The following IL12B variants were observed in gnomAD, a reference collection of about 807,000 sequenced individuals.
The protein encoded by IL12B is interleukin-12 subunit beta.
In IL12B, 27 loss-of-function variants were observed where a neutral mutation model predicts 39.2. That is an observed-to-expected ratio of 0.69 (90% CI 0.51 to 0.95). IL12B has a LOEUF of 0.95. Ranked by LOEUF, IL12B falls within the 40% of genes least tolerant of loss-of-function variation. The pLI is 0.00. For missense variants in IL12B, 351 were observed against 397.6 expected (o/e 0.88, Z 1.00); for synonymous variants, 142 against 152.1 (o/e 0.93, Z 0.49).
At chr5:159,322,578 A>C (rs1754111305) in intron 3 of IL12B, 67 bp from the exon 4 acceptor site, 4 of 998,410 alleles carry the variant, frequency 4.0e-6, no homozygotes, top group Non-Finnish European at 4.8e-6. Flanking sequence ...GATTGTGATG[A>C]ATCACAGATC....
At position 159,320,322 on chromosome 5, in the gene IL12B, G is replaced by A. The variant is rs2113025886; in HGVS notation, c.681C>T (p.Phe227=). ...AAAACTCACTGATGTCCCTGATGAAGAAGCTGCTGGTGTAGTTTTCATACT... is the reference window on the plus strand; with the variant it reads ...AAAACTCACTGATGTCCCTGATGAAAAAGCTGCTGGTGTAGTTTTCATACT... ...KLKYENYTSS[F]FIRDIIKPDP... Residue 227 remains phenylalanine, a synonymous_variant, in exon 5 of 8, where the codon TTC becomes TTT. Transcript: ENST00000231228. The A allele has an allele frequency of 6.2e-7, 1 of 1,614,054 alleles. No individual in the cohort carries two copies. The highest frequency in any genetic ancestry group is 1.7e-5 in the Admixed American group (1 of 60,032).
rs1231514438 is a variant in IL12B, at chr5:159,322,462, T to A, written c.414A>T (p.Gly138=). The part of the protein sequence containing the change: ...FLRCEAKNYS[G]RFTCWWLTTI... ...TCGTCAGCCACCAGCAGGTGAAACG[T>A]CCAGAATAATTCTTGGCCTCGCATC... The change falls in exon 4 of 8, where the codon GGA becomes GGT. Residue 138 remains glycine, a synonymous_variant. Transcript: ENST00000231228. 2 of 1,613,940 alleles carry A rather than the reference T, an allele frequency of 1.2e-6. No individual in the cohort carries two copies. Among genetic ancestry groups the A allele is most frequent in the African/African-American group, 2.7e-5 (2 of 74,922 alleles).
intron 1 of IL12B, among the ~76,000 whole-genome samples, chr5:159,329,778 T>C (rs1252828440): frequency 6.6e-6 from 1 of 152,154 alleles, no homozygotes; most frequent in African/African-American, 2.4e-5. Context: ...GACATTGTTG[T>C]TGCACACAAT....
At chr5:159,320,647 T>A in intron 4 of IL12B, 127 bp from the exon 5 acceptor site, 1 of 796,318 alleles carries the variant, frequency 1.3e-6, no homozygotes, top group South Asian at 1.5e-5. Flanking sequence ...CTGGGCTGAT[T>A]TCTACCCAGA....
intron 3 of IL12B, among the ~76,000 whole-genome samples, chr5:159,322,814 T>C (rs957699478): frequency 3.3e-5 from 5 of 152,134 alleles, no homozygotes; most frequent in Non-Finnish European, 7.3e-5. Flanking sequence ...AAAGAAAACA[T>C]GAGGCTAAGC....
Position 159,318,860 on chromosome 5 carries a change from T to A in IL12B, c.731A>T (p.Lys244Met). 1 of 1,614,096 alleles carries A rather than the reference T, an allele frequency of 6.2e-7. No individual in the cohort carries two copies. Among genetic ancestry groups the A allele is most frequent in the Middle Eastern group, 1.7e-4 (1 of 6,026 alleles). ...KPDPPKNLQL[K>M]PLKNSRQVEV... ...CACCTGCCGAGAATTCTTTAATGGC[T>A]TCAGCTGCAAGTTCTTGGGTGGGTC... The change falls in exon 6 of 8, where the codon AAG becomes ATG. Residue 244 changes from lysine (K) to methionine (M), a missense_variant. Physicochemically the swap from Lys to Met is moderately conservative, Grantham distance 95 (BLOSUM62 -1). Coordinates refer to ENST00000231228, the MANE Select transcript of IL12B (RefSeq NM_002187.3).
In IL12B at chr5:159,315,385, G is replaced by T. The variant is rs41454346; in HGVS notation, c.*716C>A. ...TTTTAAATTTTTTTTGTAGAGACGG[G>T]GTCTTGTTATGTTTCCCAGGCTGGT... On this transcript the variant is annotated 3_prime_UTR_variant, in exon 8 of 8. Transcript: ENST00000231228. 3 of 152,040 alleles carry T rather than the reference G, an allele frequency of 2.0e-5. No individual in the cohort carries two copies. The East Asian group carries it at 5.7e-4, about 29-fold the overall frequency. 9.4% of individuals were successfully genotyped at this position (152,040 alleles called of 1,614,324 possible).
Position 159,320,412 on chromosome 5 carries a change from A to G in IL12B, c.591T>C (p.Ser197=). Residue 197 remains serine, a synonymous_variant, in exon 5 of 8, where the codon AGT becomes AGC. Transcript: ENST00000231228. The part of the protein sequence containing the change: ...YEYSVECQED[S]ACPAAEESLP... ...GACTCTCCTCAGCAGCTGGGCAGGCACTGTCCTCCTGGCACTCCACTGAGT... is the reference window on the plus strand; with the variant it reads ...GACTCTCCTCAGCAGCTGGGCAGGCGCTGTCCTCCTGGCACTCCACTGAGT... 1 of 1,613,970 alleles carries G rather than the reference A, an allele frequency of 6.2e-7. No individual in the cohort carries two copies. Among genetic ancestry groups the G allele is most frequent in the Non-Finnish European group, 8.5e-7 (1 of 1,179,924 alleles).
intron 5 of IL12B, 82 bp downstream of exon 5, chr5:159,320,224 A>T (rs1754062633): frequency 2.6e-6 from 3 of 1,167,862 alleles, no homozygotes; most frequent in Non-Finnish European, 3.8e-6. Context: ...TCAACCACCT[A>T]CCCCACAGTG....
At chr5:159,322,303 C>CT in intron 4 of IL12B, 91 bp downstream of exon 4, 1 of 858,716 alleles carries the variant, frequency 1.2e-6, no homozygotes, top group Non-Finnish European at 2.0e-6. Context: ...TTCCCATTAT[C>CT]ATTAACTGAT....
intron 6 of IL12B, among the ~76,000 whole-genome samples, chr5:159,317,324 G>T (rs776821663): frequency 1.2e-4 from 19 of 152,164 alleles, no homozygotes; most frequent in Non-Finnish European, 2.4e-4. Context: ...TAGAATTATA[G>T]TTCAAGGTAA....
At position 159,316,685 on chromosome 5, in the gene IL12B, C is replaced by G; in HGVS notation, c.987G>C (p.Ter329TyrextTer25). The change falls in exon 7 of 8, where the codon TAG becomes TAC. Residue 329 changes from the stop codon to tyrosine (Y), a stop_lost and splice_region_variant. Transcript: ENST00000231228. ...WSEWASVPCS[*>Y] is the part of the protein sequence containing the mutation. ...GGCTGGCCTTTGAGGGCCTGCTCAC[C>G]TAACTGCAGGGCACAGATGCCCATT... 6.2e-7 allele frequency: 1 copy of G among 1,612,164 alleles called. No homozygotes were observed.
At chr5:159,329,456 C>T (rs1413791230) in intron 1 of IL12B, among the ~76,000 whole-genome samples, 1 of 152,128 alleles carries the variant, frequency 6.6e-6, no homozygotes, top group Non-Finnish European at 1.5e-5. Context: ...TATTTGCTCC[C>T]CTCCTTCCAC....
At chr5:159,316,567 G>T in intron 7 of IL12B, 118 bp downstream of exon 7, 2 of 1,036,182 alleles carry the variant, frequency 1.9e-6, no homozygotes, top group Admixed American at 2.1e-5. Context: ...TCTGATTCTG[G>T]CAACTGGGTG....
chr5:159,320,572 C>T (rs757477829), intron 4 of IL12B, 52 bp from the exon 5 acceptor site: 10 of 1,467,782 alleles, frequency 6.8e-6, no homozygotes, highest in African/African-American at 5.6e-5. Context: ...GAGAGAGTTC[C>T]TAGTGATTGT....
Position 159,320,432 on chromosome 5 carries a change from C to G in IL12B, c.571G>C (p.Val191Leu), listed in dbSNP as rs753481336. The change falls in exon 5 of 8, where the codon GTG becomes CTG. Residue 191 changes from valine (V) to leucine (L), a missense_variant. Physicochemically the swap from Val to Leu is conservative, Grantham distance 32. Transcript: ENST00000231228. ...CAGGCACTGTCCTCCTGGCACTCCA[C>G]TGAGTACTCATACTCCTTGTTGTCC... ...RGDNKEYEYSVECQEDSACPA... is the reference protein window; with the variant it reads ...RGDNKEYEYSLECQEDSACPA... The G allele has an allele frequency of 6.2e-7, 1 of 1,614,048 alleles. No homozygotes were observed. The highest frequency in any genetic ancestry group is 8.5e-7 in the Non-Finnish European group (1 of 1,179,984).
intron 5 of IL12B, 78 bp downstream of exon 5, chr5:159,320,228 C>T: frequency 1.6e-6 from 2 of 1,244,468 alleles, no homozygotes; most frequent in South Asian, 2.4e-5. Flanking sequence ...CCACCTACCC[C>T]ACAGTGCATG....
At chr5:159,330,033 G>T (rs910991320) in intron 1 of IL12B, among the ~76,000 whole-genome samples, 1 of 152,114 alleles carries the variant, frequency 6.6e-6, no homozygotes, top group African/African-American at 2.4e-5. Flanking sequence ...AGGAATGCAC[G>T]AAAGGCTTTT....
chr5:159,324,448 A>T (rs1754154624), intron 2 of IL12B, among the ~76,000 whole-genome samples: 1 of 152,272 alleles, frequency 6.6e-6, no homozygotes, highest in South Asian at 2.1e-4. Context: ...CACCATCAGC[A>T]GCATCACCTT....
Sources: allele counts gnomAD v4.1 joint callset (sites outside exome capture counted in the v4.1 genomes callset), GRCh38; gene constraint gnomAD v4.1.1; transcripts MANE v1.5; gene names NCBI Gene and HGNC (gene_info 2026-07-23, HGNC 2026-07-21).